Variants in SDR42E2 observed in about 807,000 individuals in gnomAD.
SDR42E2 encodes the protein putative short-chain dehydrogenase/reductase family 42E member 2.
In SDR42E2, 20 loss-of-function variants were observed where a neutral mutation model predicts 10.5. The ratio of observed to expected loss-of-function variants is 1.90; its 90% confidence interval spans 1.34 to 2.77. The LOEUF is 2.77. Ranked by LOEUF, SDR42E2 falls within the 30% of genes most tolerant of loss-of-function variation. The probability of loss-of-function intolerance (pLI) is 0.00; values close to 1 mark genes in which losing one functional copy is unlikely to be tolerated. For missense variants in SDR42E2, 162 were observed against 104.2 expected, an observed-to-expected ratio of 1.55 and a Z score of -2.42; for synonymous variants, 72 against 39.2, an observed-to-expected ratio of 1.84 and a Z score of -3.12.
rs998939219 is a variant in SDR42E2 at position 22,190,404 on chromosome 16, TCCGCCGC to T, written c.*16_*22del. 66 of 401,398 alleles carry T rather than the reference TCCGCCGC, an allele frequency of 1.6e-4. No individual in the cohort carries two copies. Among genetic ancestry groups the T allele is most frequent in the African/African-American group, 1.3e-3 (62 of 48,730 alleles). The allele number at this position is 401,398 out of a possible 1,614,324, so 24.9% of individuals were successfully genotyped here. A position where few individuals can be genotyped will look rare whatever the true frequency, so the allele number is the denominator to read the frequency against. On this transcript the variant is annotated 3_prime_UTR_variant, in exon 13 of 13. Coordinates refer to ENST00000602312, the MANE Select transcript of SDR42E2 (RefSeq NM_001394319.2). ...GTGGAGCGCCTGTGACCGTCCGCCGTCCGCCGCCCGCTAGGGTCGGCCCCGCTGCACC... is the reference window on the plus strand; with the variant it reads ...GTGGAGCGCCTGTGACCGTCCGCCGTCCGCTAGGGTCGGCCCCGCTGCACC...
chr16:22,181,151 A>G (rs1422160628), intron 8 of SDR42E2, among the ~76,000 whole-genome samples: 1 of 152,192 alleles, frequency 6.6e-6, no homozygotes, highest in Non-Finnish European at 1.5e-5. Context: ...AGAAGCTATC[A>G]GATTCTGGAC....
At chr16:22,168,600 CA>C (rs1217662929) in intron 4 of SDR42E2, among the ~76,000 whole-genome samples, 2 of 151,966 alleles carry the variant, frequency 1.3e-5, no homozygotes, top group Non-Finnish European at 2.9e-5. Context: ...AGGCTGGAAG[CA>C]GTGGCTCATG....
intron 2 of SDR42E2, among the ~76,000 whole-genome samples, chr16:22,165,879 T>TG (rs1216329668): frequency 6.6e-6 from 1 of 151,780 alleles, no homozygotes; most frequent in Non-Finnish European, 1.5e-5. Context: ...GGCCAGGAGC[T>TG]GGGTCCGTAC....
Position 22,185,348 on chromosome 16 carries a change from G to C in SDR42E2, c.940+1104G>C, listed in dbSNP as rs2046729005. On this transcript the variant is annotated intron_variant, in intron 11 of 12. Transcript: ENST00000602312. ...GGGGGTTGCAAATTTTTGTTCACCAGGGAACACATGCAGGGCAACTTCTCA... is the reference window on the plus strand; with the variant it reads ...GGGGGTTGCAAATTTTTGTTCACCACGGAACACATGCAGGGCAACTTCTCA... Among the ~76,000 whole-genome samples the C allele has an allele frequency of 2.0e-5, 3 of 152,302 alleles. No homozygotes were observed. The South Asian group carries it at 6.2e-4, about 32-fold the overall frequency.
intron 12 of SDR42E2, among the ~76,000 whole-genome samples, chr16:22,188,119 A>G (rs1267239802): frequency 6.6e-6 from 1 of 151,778 alleles, no homozygotes; most frequent in Non-Finnish European, 1.5e-5. Flanking sequence ...AATTACTTCC[A>G]GTCCACTCTC....
Position 22,178,143 on chromosome 16 carries a change from T to A in SDR42E2, c.603T>A (p.Leu201=), listed in dbSNP as rs1385926632. Residue 201 remains leucine, a synonymous_variant, in exon 8 of 13, where the codon CTT becomes CTA. Transcript: ENST00000602312. ...NGMPLPGGGT[L]RTCVLRPPGI... ...CCTGTGTGCTAGGAGGAGGCACTCT[T>A]CGGACGTGTGTGCTCCGGCCTCCAG... 2.8e-6 allele frequency: 2 copies of A among 702,652 alleles called. No individual in the cohort carries two copies. Among genetic ancestry groups the A allele is most frequent in the African/African-American group, 1.7e-5 (1 of 57,212 alleles). The allele number at this position is 702,652 out of a possible 1,614,324, so 43.5% of individuals were successfully genotyped here.
chr16:22,175,756 G>A (rs1219664818), intron 7 of SDR42E2, among the ~76,000 whole-genome samples: 1 of 152,032 alleles, frequency 6.6e-6, no homozygotes, highest in African/African-American at 2.4e-5. Flanking sequence ...ACTTTGGGAG[G>A]CTGAGGTGGG....
At chr16:22,165,918 G>T (rs1451482294) in intron 2 of SDR42E2, among the ~76,000 whole-genome samples, 1 of 144,310 alleles carries the variant, frequency 6.9e-6, no homozygotes, top group Non-Finnish European at 1.5e-5. Flanking sequence ...CCGTACCTGG[G>T]CCAGGAGCTG....
chr16:22,166,327 C>G lies in SDR42E2; in HGVS notation c.133C>G (p.Leu45Val). Residue 45 changes from leucine (L) to valine (V), a missense_variant, in exon 3 of 13, where the codon CTG (leucine) becomes GTG (valine). Leu to Val is a conservative substitution (Grantham distance 32). Transcript: ENST00000602312. Reference protein sequence around the residue: ...KVLVTGGGGYLGFSLGSHLAK... With the variant: ...KVLVTGGGGYVGFSLGSHLAK... ...TCTAGTGACTGGAGGAGGAGGCTAC[C>G]TGGGCTTCAGCCTGGGATCCCACCT... 1 of 402,534 alleles carries G rather than the reference C, an allele frequency of 2.5e-6. No homozygotes were observed. The highest frequency in any genetic ancestry group is 4.4e-6 in the Non-Finnish European group (1 of 227,178). 24.9% of individuals were successfully genotyped at this position (402,534 alleles called of 1,614,324 possible).
chr16:22,178,683 G>C (rs2046666620), intron 8 of SDR42E2, among the ~76,000 whole-genome samples: 1 of 152,222 alleles, frequency 6.6e-6, no homozygotes, highest in African/African-American at 2.4e-5. Flanking sequence ...GAGGGCTGTG[G>C]AGAGAGGAGC....
chr16:22,188,039 T>C (rs2046747552), intron 12 of SDR42E2, among the ~76,000 whole-genome samples: 2 of 150,920 alleles, frequency 1.3e-5, no homozygotes, highest in Admixed American at 6.6e-5. Context: ...GAGGTTGCAG[T>C]GTGCTGAGAC....
At position 22,191,537 on chromosome 16, in the gene SDR42E2, AC is replaced by A. The variant is rs2046775010; in HGVS notation, c.*1145del. ...ACCCAATGTTCTGGGCTTCTCATTC[AC>A]ACAGATCTGTGTGTTGACAGCCAGG... is the stretch of plus-strand genomic sequence containing the variant. On this transcript the variant is annotated 3_prime_UTR_variant, in exon 13 of 13. Coordinates refer to ENST00000602312, the MANE Select transcript of SDR42E2 (RefSeq NM_001394319.2). 1 of 152,002 alleles carries A rather than the reference AC, an allele frequency of 6.6e-6. No homozygotes were observed. Among genetic ancestry groups the A allele is most frequent in the East Asian group, 1.9e-4 (1 of 5,184 alleles). The allele number at this position is 152,002 out of a possible 1,614,324, so 9.4% of individuals were successfully genotyped here. A position where few individuals can be genotyped will look rare whatever the true frequency, so the allele number is the denominator to read the frequency against.
intron 7 of SDR42E2, among the ~76,000 whole-genome samples, chr16:22,173,344 C>T (rs910857830): frequency 1.3e-5 from 2 of 152,090 alleles, no homozygotes; most frequent in African/African-American, 2.4e-5. Flanking sequence ...CTCGGCCTCC[C>T]GAATAGCTGG....
intron 5 of SDR42E2, among the ~76,000 whole-genome samples, chr16:22,170,212 G>C (rs2046585390): frequency 6.6e-6 from 1 of 151,844 alleles, no homozygotes; most frequent in African/African-American, 2.4e-5. Context: ...AAATTAGCGG[G>C]GCGTGGTGGC....
intron 10 of SDR42E2, among the ~76,000 whole-genome samples, chr16:22,183,173 A>C (rs931395811): frequency 6.6e-6 from 1 of 151,590 alleles, no homozygotes; most frequent in Non-Finnish European, 1.5e-5. Context: ...CCCAGGCTGG[A>C]GTGCAGTGGT....
intron 2 of SDR42E2, among the ~76,000 whole-genome samples, chr16:22,165,885 C>T (rs532661812): frequency 2.8e-5 from 4 of 144,436 alleles, no homozygotes; most frequent in African/African-American, 7.8e-5. Context: ...GAGCTGGGTC[C>T]GTACCTGGTC....
At chr16:22,164,826 C>T (rs189055247) in intron 1 of SDR42E2, among the ~76,000 whole-genome samples, 61 of 152,256 alleles carry the variant, frequency 4.0e-4, no homozygotes, top group African/African-American at 7.9e-4. Context: ...AGAAGGCTCT[C>T]CCAATCTCCC....
intron 12 of SDR42E2, among the ~76,000 whole-genome samples, chr16:22,189,329 C>T (rs1303205732): frequency 1.3e-5 from 2 of 152,080 alleles, no homozygotes; most frequent in African/African-American, 4.8e-5. Context: ...CTCCAGGTGC[C>T]AGCACAGCAG....
chr16:22,190,732 G>A lies in SDR42E2; in HGVS notation c.*339G>A, dbSNP rs989125698. 1 of 273,242 alleles carries A rather than the reference G, an allele frequency of 3.7e-6. No homozygotes were observed. The highest frequency in any genetic ancestry group is 2.4e-5 in the African/African-American group (1 of 41,830). 16.9% of individuals were successfully genotyped at this position (273,242 alleles called of 1,614,324 possible). On this transcript the variant is annotated 3_prime_UTR_variant, in exon 13 of 13. Transcript: ENST00000602312. Reference sequence around the variant, plus strand: ...CTGGTCGGCCCAGACGCGTAGCCCCGAGTCTCTTTCCATGTTTTGACCACG... The same window carrying A: ...CTGGTCGGCCCAGACGCGTAGCCCCAAGTCTCTTTCCATGTTTTGACCACG...
Sources: allele counts gnomAD v4.1 joint callset (sites outside exome capture counted in the v4.1 genomes callset), GRCh38; gene constraint gnomAD v4.1.1; transcripts MANE v1.5; gene names NCBI Gene and HGNC (gene_info 2026-07-23, HGNC 2026-07-21).